The following C8orf58 variants were observed in gnomAD, a reference collection of about 807,000 sequenced individuals.
C8orf58 encodes chromosome 8 open reading frame 58, also known as uncharacterized protein C8orf58.
In C8orf58, 31 loss-of-function variants were observed where a neutral mutation model predicts 36.8. The ratio of observed to expected loss-of-function variants is 0.84; its 90% CI spans 0.63 to 1.14. The LOEUF (loss-of-function observed/expected upper bound fraction) is 1.14, where lower values mean the gene tolerates loss of function less well. Among genes scored for constraint, C8orf58 ranks in the 50% most tolerant of loss-of-function variants. The pLI is 0.00. For synonymous variants in C8orf58, 230 were observed against 200.2 expected, an observed-to-expected ratio of 1.15 and a Z score of -1.26; for missense variants, 538 against 480.8, an observed-to-expected ratio of 1.12 and a Z score of -1.11.
Position 22,599,754 on chromosome 8 carries a change from G to C in C8orf58, c.34G>C (p.Gly12Arg). The change falls in exon 1 of 7, where the codon GGC becomes CGC. Residue 12 changes from glycine to arginine, a missense_variant. Transcript: ENST00000289989. ...CCGGCGGCGCGCCTTCGCCGTGGACGGCCGGGGTGAGTCACCCACCCCCAG... is the reference window on the plus strand; with the variant it reads ...CCGGCGGCGCGCCTTCGCCGTGGACCGCCGGGGTGAGTCACCCACCCCCAG... ...MGRRRAFAVDGRDGAGEGLAR... is the reference protein window; with the variant it reads ...MGRRRAFAVDRRDGAGEGLAR... The C allele has an allele frequency of 8.2e-7, 1 of 1,218,950 alleles. No homozygotes were observed. Among genetic ancestry groups the C allele is most frequent in the Non-Finnish European group, 1.0e-6 (1 of 979,508 alleles). 75.5% of individuals were successfully genotyped at this position (1,218,950 alleles called of 1,614,324 possible). A position where few individuals can be genotyped will look rare whatever the true frequency, so the allele number is the denominator to read the frequency against.
Position 22,602,226 on chromosome 8 carries a change from G to A in C8orf58, c.793G>A (p.Val265Met). 6.2e-7 allele frequency: 1 copy of A among 1,606,040 alleles called. No homozygotes were observed. The highest frequency in any genetic ancestry group is 1.3e-5 in the African/African-American group (1 of 74,984). Residue 265 changes from valine to methionine, a missense_variant, in exon 5 of 7, where the codon GTG (valine) becomes ATG (methionine). By Grantham distance (21) the Val-to-Met change is conservative (BLOSUM62 1). Coordinates refer to ENST00000289989, the MANE Select transcript of C8orf58 (RefSeq NM_001013842.3). Reference protein sequence around the residue: ...TGAKAASPPKVEVPSANPPRL... With the variant: ...TGAKAASPPKMEVPSANPPRL... ...AGCAAAGGCTGCTTCACCCCCAAAGGTGGAGGTGCCCAGTGCCAACCCTCC... is the reference window on the plus strand; with the variant it reads ...AGCAAAGGCTGCTTCACCCCCAAAGATGGAGGTGCCCAGTGCCAACCCTCC...
In C8orf58 at chr8:22,602,208, G is replaced by T; in HGVS notation, c.775G>T (p.Ala259Ser). Reference protein sequence around the residue: ...LSQTEHTGAKAASPPKVEVPS... With the variant: ...LSQTEHTGAKSASPPKVEVPS... ...TGACTGTCTTTCTGAAGGAGCAAAG[G>T]CTGCTTCACCCCCAAAGGTGGAGGT... Residue 259 changes from alanine (A) to serine (S), a missense_variant, in exon 5 of 7, where the codon GCT becomes TCT. Ala to Ser is a moderately conservative substitution (Grantham distance 99). Transcript: ENST00000289989. 2 of 1,600,452 alleles carry T rather than the reference G, an allele frequency of 1.2e-6. No homozygotes were observed. The highest frequency in any genetic ancestry group is 1.1e-5 in the South Asian group (1 of 88,284).
chr8:22,601,021 C>G lies in C8orf58; in HGVS notation c.180C>G (p.Leu60=). The G allele has an allele frequency of 1.2e-6, 2 of 1,612,842 alleles. No homozygotes were observed. The highest frequency in any genetic ancestry group is 1.1e-5 in the South Asian group (1 of 91,074). Residue 60 remains leucine (L), a synonymous_variant, in exon 2 of 7, where the codon CTC becomes CTG. Coordinates refer to ENST00000289989, the MANE Select transcript of C8orf58 (RefSeq NM_001013842.3). ...TCAGAGGTGTCGGCAGGGAGGCACT[C>G]TTTCTCAAACTGGCCTCCCGGGACT... The part of the protein sequence containing the change: ...DKFRGVGREA[L]FLKLASRDSG...
In C8orf58 at chr8:22,602,252, C is replaced by T. The variant is rs757284799; in HGVS notation, c.819C>T (p.Pro273=). The change falls in exon 5 of 7, where the codon CCC becomes CCT. Residue 273 remains proline, a synonymous_variant. Transcript: ENST00000289989. ...PKVEVPSANP[P]RLPETPVEPT... is the part of the protein sequence containing the mutation. ...TGGAGGTGCCCAGTGCCAACCCTCCCAGGCTGCCAGAAACCCCAGTGGAGC... is the reference window on the plus strand; with the variant it reads ...TGGAGGTGCCCAGTGCCAACCCTCCTAGGCTGCCAGAAACCCCAGTGGAGC... 5 of 1,608,466 alleles carry T rather than the reference C, an allele frequency of 3.1e-6. No homozygotes were observed. Among genetic ancestry groups the T allele is most frequent in the African/African-American group, 2.7e-5 (2 of 74,896 alleles).
rs1197294146 is a variant in C8orf58 at position 22,603,375 on chromosome 8, C to T, written c.*69C>T. The T allele has an allele frequency of 3.7e-6, 4 of 1,085,836 alleles. No homozygotes were observed. Among genetic ancestry groups the T allele is most frequent in the Non-Finnish European group, 4.3e-6 (3 of 702,418 alleles). 67.3% of individuals were successfully genotyped at this position (1,085,836 alleles called of 1,614,324 possible). A position where few individuals can be genotyped will look rare whatever the true frequency, so the allele number is the denominator to read the frequency against. Reference sequence around the variant, plus strand: ...TGTGAAGTCTTCCTCGCCCTCTGCCCTCTTGCTGCTTCTCCACATTGCCAG... The same window carrying T: ...TGTGAAGTCTTCCTCGCCCTCTGCCTTCTTGCTGCTTCTCCACATTGCCAG... On this transcript the variant is annotated 3_prime_UTR_variant, in exon 7 of 7. Transcript: ENST00000289989.
rs61566363 is a variant in C8orf58 at position 22,601,866 on chromosome 8, G to C, written c.657+14G>C. 2.1e-3 allele frequency: 3,423 copies of C among 1,595,490 alleles called. 113 individuals are homozygous for C. The East Asian group carries it at 0.067, about 31-fold the overall frequency. ...AGGCCCCCAGGGGTGAGTGAGATTC[G>C]AGTGGGGGAGGGAGAGGACAGATGG... On this transcript the variant is annotated intron_variant, in intron 3 of 6. Coordinates refer to ENST00000289989, the MANE Select transcript of C8orf58 (RefSeq NM_001013842.3).
chr8:22,601,219 A>C lies in C8orf58; in HGVS notation c.378A>C (p.Thr126=). The C allele has an allele frequency of 6.2e-7, 1 of 1,609,852 alleles. No individual in the cohort carries two copies. The change falls in exon 2 of 7, where the codon ACA becomes ACC. Residue 126 remains threonine, a synonymous_variant. Transcript: ENST00000289989. ...TGGAGCGGTCCCGCCGGCTCCCAAC[A>C]GCTCCCACCAGCTTGTCAGGACAAC... ...EVLERSRRLP[T]APTSLSGQHR...
chr8:22,603,540 T>C lies in C8orf58; in HGVS notation c.*234T>C, dbSNP rs1239295468. The C allele has an allele frequency of 3.5e-6, 2 of 567,998 alleles. No individual in the cohort carries two copies. The highest frequency in any genetic ancestry group is 6.3e-6 in the Non-Finnish European group (2 of 315,790). The allele number at this position is 567,998 out of a possible 1,614,324, so 35.2% of individuals were successfully genotyped here. A position where few individuals can be genotyped will look rare whatever the true frequency, so the allele number is the denominator to read the frequency against. On this transcript the variant is annotated 3_prime_UTR_variant, in exon 7 of 7. Coordinates refer to ENST00000289989, the MANE Select transcript of C8orf58 (RefSeq NM_001013842.3). Reference sequence around the variant, plus strand: ...CAGGGCTCTTCCTCCTCACCAGAAATCCCTGGGCTTCCACAATGTGAACTC... The same window carrying C: ...CAGGGCTCTTCCTCCTCACCAGAAACCCCTGGGCTTCCACAATGTGAACTC...
intron 6 of C8orf58, 64 bp from the exon 7 acceptor site, chr8:22,603,131 A>G: frequency 3.1e-6 from 4 of 1,276,976 alleles, no homozygotes; most frequent in Non-Finnish European, 4.6e-6. Context: ...CGTTCTCTCA[A>G]CTCTAGGGCC....
chr8:22,599,800 C>T, intron 1 of C8orf58, 40 bp downstream of exon 1: 2 of 1,064,220 alleles, frequency 1.9e-6, no homozygotes, highest in Non-Finnish European at 1.2e-6. Flanking sequence ...CTCCCCCCTG[C>T]CCCGGAGCCG....
Position 22,603,280 on chromosome 8 carries a change from C to A in C8orf58, c.1072C>A (p.Arg358=), listed in dbSNP as rs371650009. The A allele has an allele frequency of 1.2e-6, 2 of 1,613,768 alleles. No individual in the cohort carries two copies. Among genetic ancestry groups the A allele is most frequent in the Non-Finnish European group, 1.7e-6 (2 of 1,179,926 alleles). ...GCCATCATTAGTGGTTAAGAAGCAA[C>A]GAGCAAAAAACCTTTCTGTAGGCTG... ...FMPSLVVKKQ[R]AKNLSVG is the part of the protein sequence containing the mutation. Residue 358 remains arginine, a synonymous_variant, in exon 7 of 7, where the codon CGA becomes AGA. Coordinates refer to ENST00000289989, the MANE Select transcript of C8orf58 (RefSeq NM_001013842.3).
Position 22,601,719 on chromosome 8 carries a change from G to T in C8orf58, c.524G>T (p.Gly175Val), listed in dbSNP as rs780564255. 1.8e-5 allele frequency: 29 copies of T among 1,608,294 alleles called. No individual in the cohort carries two copies. Among genetic ancestry groups the T allele is most frequent in the South Asian group, 9.9e-5 (9 of 90,680 alleles). Residue 175 changes from glycine to valine, a missense_variant, in exon 3 of 7, where the codon GGC becomes GTC. Transcript: ENST00000289989. ...TCTCACAATGTCCCACAGGTGGGGG[G>T]CCTGGGGCCTGGAGCCTGGGCCTGC... ...EAGLEEEAVG[G>V]LGPGAWACLP... is the part of the protein sequence containing the mutation.
Position 22,602,183 on chromosome 8 carries a change from T to C in C8orf58, c.767-17T>C. 1 of 1,581,918 alleles carries C rather than the reference T, an allele frequency of 6.3e-7. No individual in the cohort carries two copies. The highest frequency in any genetic ancestry group is 2.3e-5 in the East Asian group (1 of 43,744). ...GGGTGTCTTCTGGCCCTGGCCAACCTGACTGTCTTTCTGAAGGAGCAAAGG... is the reference window on the plus strand; with the variant it reads ...GGGTGTCTTCTGGCCCTGGCCAACCCGACTGTCTTTCTGAAGGAGCAAAGG... On this transcript the variant is annotated splice_polypyrimidine_tract_variant and intron_variant, in intron 4 of 6. Transcript: ENST00000289989.
chr8:22,601,878 G>A (rs1379300334), intron 3 of C8orf58, 26 bp downstream of exon 3: 2 of 1,587,810 alleles, frequency 1.3e-6, no homozygotes, highest in Admixed American at 1.7e-5. Flanking sequence ...GTGGGGGAGG[G>A]AGAGGACAGA....
Position 22,601,872 on chromosome 8 carries a change from G to T in C8orf58, c.657+20G>T. 3 of 1,592,202 alleles carry T rather than the reference G, an allele frequency of 1.9e-6. No individual in the cohort carries two copies. Among genetic ancestry groups the T allele is most frequent in the Non-Finnish European group, 2.6e-6 (3 of 1,168,082 alleles). ...CCAGGGGTGAGTGAGATTCGAGTGGGGGAGGGAGAGGACAGATGGGACCCT... is the reference window on the plus strand; with the variant it reads ...CCAGGGGTGAGTGAGATTCGAGTGGTGGAGGGAGAGGACAGATGGGACCCT... On this transcript the variant is annotated intron_variant, in intron 3 of 6. Transcript: ENST00000289989.
chr8:22,603,244 A>C lies in C8orf58; in HGVS notation c.1036A>C (p.Lys346Gln). ...AAGGCCTCAGTGCCGCCCCCACCGG[A>C]AGACCTTTATGCCATCATTAGTGGT... ...PERPQCRPHR[K>Q]TFMPSLVVKK... The change falls in exon 7 of 7, where the codon AAG (lysine) becomes CAG (glutamine). Residue 346 changes from lysine to glutamine, a missense_variant. Coordinates refer to ENST00000289989, the MANE Select transcript of C8orf58 (RefSeq NM_001013842.3). The C allele has an allele frequency of 6.2e-7, 1 of 1,613,976 alleles. No individual in the cohort carries two copies. The highest frequency in any genetic ancestry group is 8.5e-7 in the Non-Finnish European group (1 of 1,180,016).
At chr8:22,603,031 A>T (rs994967374) in intron 6 of C8orf58, 164 bp from the exon 7 acceptor site, 2 of 618,152 alleles carry the variant, frequency 3.2e-6, no homozygotes, top group African/African-American at 3.7e-5. Flanking sequence ...CGGGGCTTGT[A>T]TTGAATCGTT....
At position 22,603,532 on chromosome 8, in the gene C8orf58, A is replaced by T; in HGVS notation, c.*226A>T. Reference sequence around the variant, plus strand: ...CGCAGCTCCAGGGCTCTTCCTCCTCACCAGAAATCCCTGGGCTTCCACAAT... The same window carrying T: ...CGCAGCTCCAGGGCTCTTCCTCCTCTCCAGAAATCCCTGGGCTTCCACAAT... On this transcript the variant is annotated 3_prime_UTR_variant, in exon 7 of 7. Transcript: ENST00000289989. 3.4e-6 allele frequency: 2 copies of T among 579,726 alleles called. No homozygotes were observed. The highest frequency in any genetic ancestry group is 6.0e-5 in the East Asian group (2 of 33,564). 35.9% of individuals were successfully genotyped at this position (579,726 alleles called of 1,614,324 possible). A position where few individuals can be genotyped will look rare whatever the true frequency, so the allele number is the denominator to read the frequency against.
At chr8:22,600,570 A>G (rs936088956) in intron 1 of C8orf58, 2 of 373,118 alleles carry the variant, frequency 5.4e-6, no homozygotes, top group African/African-American at 4.1e-5. Context: ...GACTCGGGAG[A>G]TCGTGGGCTG....
Sources: allele counts gnomAD v4.1 joint callset, GRCh38; gene constraint gnomAD v4.1.1; transcripts MANE v1.5; gene names NCBI Gene and HGNC (gene_info 2026-07-23, HGNC 2026-07-21).